Variants in GLIS1 observed in about 807,000 individuals in gnomAD.
GLIS1 encodes the protein GLIS family zinc finger 1.
A neutral mutation model predicts 63.8 loss-of-function variants in GLIS1; 24 were observed. That is an observed-to-expected ratio of 0.38 (90% CI 0.27 to 0.53). GLIS1 has a LOEUF of 0.53. GLIS1 is among the 20% of genes least tolerant of loss of function. GLIS1 has a pLI of 0.85. For missense variants in GLIS1, 1,036 were observed against 1,074.1 expected, an observed-to-expected ratio of 0.96 and a Z score of 0.50; for synonymous variants, 450 against 482.5, an observed-to-expected ratio of 0.93 and a Z score of 0.88.
At chr1:53,528,664 C>T (rs997836387) in intron 5 of GLIS1, among the ~76,000 whole-genome samples, 3 of 152,142 alleles carry the variant, frequency 2.0e-5, no homozygotes, top group Non-Finnish European at 4.4e-5. Flanking sequence ...GCATCAGAGA[C>T]CTGCAAGTGC....
chr1:53,634,833 T>C (rs1434922974), intron 2 of GLIS1, among the ~76,000 whole-genome samples: 2 of 152,098 alleles, frequency 1.3e-5, no homozygotes, highest in African/African-American at 4.8e-5. Flanking sequence ...AGCCCACGAA[T>C]AAACGCTTCC....
chr1:53,649,025 A>AT (rs926423166), intron 2 of GLIS1, among the ~76,000 whole-genome samples: 1 of 152,070 alleles, frequency 6.6e-6, no homozygotes, highest in South Asian at 2.1e-4. Flanking sequence ...TTATTCATGG[A>AT]TTTTTTTTCA....
At chr1:53,629,245 T>C (rs1229590201) in intron 2 of GLIS1, among the ~76,000 whole-genome samples, 1 of 152,104 alleles carries the variant, frequency 6.6e-6, no homozygotes, top group Non-Finnish European at 1.5e-5. Context: ...CACTTTAACC[T>C]GGGGACTCAC....
chr1:53,520,583 GA>G (rs760468323), intron 7 of GLIS1, 50 bp downstream of exon 7: 12 of 1,533,054 alleles, frequency 7.8e-6, no homozygotes, highest in Non-Finnish European at 9.6e-6. Flanking sequence ...TGTGGGCAGA[GA>G]AAGGCCCCTC....
chr1:53,707,231 A>G (rs1646588481), intron 2 of GLIS1, among the ~76,000 whole-genome samples: 1 of 152,168 alleles, frequency 6.6e-6, no homozygotes, highest in Non-Finnish European at 1.5e-5. Context: ...GAAGTCACAT[A>G]ACCTAGAGCT....
At chr1:53,643,113 C>A (rs1645804905) in intron 2 of GLIS1, among the ~76,000 whole-genome samples, 1 of 152,194 alleles carries the variant, frequency 6.6e-6, no homozygotes, top group Admixed American at 6.5e-5. Flanking sequence ...ACGAAACCAC[C>A]AAGGTCTGTT....
chr1:53,569,984 C>T (rs1157268360), intron 4 of GLIS1, among the ~76,000 whole-genome samples: 2 of 152,044 alleles, frequency 1.3e-5, no homozygotes, highest in African/African-American at 2.4e-5. Flanking sequence ...TAAAGAGGTC[C>T]TATTCCCGTT....
intron 2 of GLIS1, among the ~76,000 whole-genome samples, chr1:53,714,741 T>G (rs970094157): frequency 6.6e-6 from 1 of 152,208 alleles, no homozygotes; most frequent in Non-Finnish European, 1.5e-5. Context: ...CCTGGGGAGA[T>G]GGACACCCAG....
intron 2 of GLIS1, among the ~76,000 whole-genome samples, chr1:53,670,246 A>T (rs926013722): frequency 6.6e-6 from 1 of 152,196 alleles, no homozygotes; most frequent in Non-Finnish European, 1.5e-5. Context: ...CAGAGTCACG[A>T]AGCACCTGGC....
chr1:53,687,574 T>C (rs1410256277), intron 2 of GLIS1, among the ~76,000 whole-genome samples: 1 of 151,996 alleles, frequency 6.6e-6, no homozygotes, highest in Non-Finnish European at 1.5e-5. Context: ...TGTCGGGTGG[T>C]TCTGTGCGTT....
chr1:53,724,028 C>A (rs1051851350), intron 2 of GLIS1, among the ~76,000 whole-genome samples: 1 of 152,210 alleles, frequency 6.6e-6, no homozygotes, highest in Non-Finnish European at 1.5e-5. Flanking sequence ...TGGAAGACTG[C>A]CCTGATCTCT....
chr1:53,682,682 T>C (rs1014752113), intron 2 of GLIS1, among the ~76,000 whole-genome samples: 1 of 152,214 alleles, frequency 6.6e-6, no homozygotes, highest in Non-Finnish European at 1.5e-5. Context: ...CCTTTCACCA[T>C]TGGTTAATCT....
At chr1:53,632,945 A>ATGAG (rs1645678306) in intron 2 of GLIS1, among the ~76,000 whole-genome samples, 2 of 108,822 alleles carry the variant, frequency 1.8e-5, no homozygotes, top group Non-Finnish European at 3.7e-5. Context: ...GGGCATGTGA[A>ATGAG]TGTGACTGAG....
intron 2 of GLIS1, among the ~76,000 whole-genome samples, chr1:53,693,504 C>G (rs1018229904): frequency 1.3e-5 from 2 of 152,196 alleles, no homozygotes; most frequent in Non-Finnish European, 2.9e-5. Context: ...GCTCCCCCAG[C>G]CACCACATCC....
intron 4 of GLIS1, among the ~76,000 whole-genome samples, chr1:53,538,414 C>G (rs1451766209): frequency 1.3e-5 from 2 of 152,186 alleles, no homozygotes; most frequent in Admixed American, 6.5e-5. Context: ...CTCACTAATC[C>G]TGCAACCCCT....
At chr1:53,627,236 A>C (rs2100227141) in intron 2 of GLIS1, among the ~76,000 whole-genome samples, 1 of 152,318 alleles carries the variant, frequency 6.6e-6, no homozygotes, top group South Asian at 2.1e-4. Context: ...TGCACATGTG[A>C]GCCACAGATG....
chr1:53,526,803 G>T lies in GLIS1; in HGVS notation c.1483-1916C>A, dbSNP rs1644473895. On this transcript the variant is annotated intron_variant, in intron 5 of 10. Coordinates refer to ENST00000628545, the MANE Select transcript of GLIS1 (RefSeq NM_001367484.1). This position sits in a 1 kb window ranked among gnomAD's most constrained non-coding sequence, Gnocchi z 4.4. The stretch of plus-strand genomic sequence containing the variant: ...CCCATCTCTGTGTTTGTTTTTCCAG[G>T]GCCTGACATGTGTAGAACATTCCTC... 6.6e-6 allele frequency among the ~76,000 whole-genome samples: 1 copy of T among 152,238 alleles called. No homozygotes were observed. Among genetic ancestry groups the T allele is most frequent in the Non-Finnish European group, 1.5e-5 (1 of 68,042 alleles).
intron 2 of GLIS1, among the ~76,000 whole-genome samples, chr1:53,618,980 C>T (rs562887922): frequency 6.6e-6 from 1 of 152,358 alleles, no homozygotes; most frequent in South Asian, 2.1e-4. Flanking sequence ...AAAACAAACA[C>T]AGTAGACTGG....
Position 53,638,823 on chromosome 1 carries a change from G to A in GLIS1, c.260-38545C>T, listed in dbSNP as rs1305423798. The stretch of plus-strand genomic sequence containing the variant: ...GGGAGTGGCCGGGGGAGCACATGAC[G>A]AGGCGGGCCCTGACCAGGAGGCAAG... On this transcript the variant is annotated intron_variant, in intron 2 of 10. Transcript: ENST00000628545. Among the ~76,000 whole-genome samples, 7 of 152,182 alleles carry A rather than the reference G, an allele frequency of 4.6e-5. 1 individual carries two copies.
Sources: allele counts gnomAD v4.1 joint callset (sites outside exome capture counted in the v4.1 genomes callset), GRCh38; gene constraint gnomAD v4.1.1; non-coding constraint Gnocchi (gnomAD v3.1); transcripts MANE v1.5; gene names NCBI Gene and HGNC (gene_info 2026-07-23, HGNC 2026-07-21).